The following PLXNA2 variants were observed in gnomAD, a reference collection of about 807,000 sequenced individuals.
The protein encoded by PLXNA2 is plexin A2, also known as plexin-A2.
A neutral mutation model predicts 193.5 loss-of-function variants in PLXNA2; 91 were observed. That is an observed-to-expected ratio of 0.47 (90% CI 0.40 to 0.56). PLXNA2 has a LOEUF of 0.56. Ranked by LOEUF, PLXNA2 falls within the 20% of genes least tolerant of loss-of-function variation. PLXNA2 has a pLI of 0.00. For missense variants in PLXNA2, 1,995 were observed against 2,503.2 expected (o/e 0.80, Z 4.33); for synonymous variants, 997 against 1,027.3 (o/e 0.97, Z 0.56).
At chr1:208,125,191 C>T (rs1667935964) in intron 4 of PLXNA2, among the ~76,000 whole-genome samples, 1 of 152,086 alleles carries the variant, frequency 6.6e-6, no homozygotes, top group Admixed American at 6.5e-5. Flanking sequence ...TAACGATGCC[C>T]AAGAATCTCA....
At chr1:208,037,930 A>C (rs1239241544) in intron 26 of PLXNA2, among the ~76,000 whole-genome samples, 1 of 152,180 alleles carries the variant, frequency 6.6e-6, no homozygotes, top group African/African-American at 2.4e-5. Flanking sequence ...ACCTGAAGAG[A>C]AGTCTATTCA....
At chr1:208,199,906 T>G (rs1359748718) in intron 3 of PLXNA2, among the ~76,000 whole-genome samples, 4 of 152,236 alleles carry the variant, frequency 2.6e-5, no homozygotes, top group Non-Finnish European at 5.9e-5. Context: ...ATCAGTTTTC[T>G]GAGGTCCCCT....
At chr1:208,033,255 T>G in intron 28 of PLXNA2, 64 bp downstream of exon 28, 1 of 1,413,556 alleles carries the variant, frequency 7.1e-7, no homozygotes, top group Non-Finnish European at 9.9e-7. Context: ...CCTTTCTGTG[T>G]TGTGGAGGGG....
chr1:208,170,524 C>T (rs968984627), intron 3 of PLXNA2, among the ~76,000 whole-genome samples: 3 of 152,150 alleles, frequency 2.0e-5, no homozygotes, highest in African/African-American at 4.8e-5. Flanking sequence ...CTGCCAGAGC[C>T]GGGGCATGAG....
chr1:208,037,146 T>G (rs1664694588), intron 26 of PLXNA2, among the ~76,000 whole-genome samples: 1 of 152,122 alleles, frequency 6.6e-6, no homozygotes, highest in Admixed American at 6.5e-5. Context: ...GGTTGTTATC[T>G]CCATTTTACA....
chr1:208,220,482 G>T (rs191486795), intron 1 of PLXNA2, among the ~76,000 whole-genome samples: 73 of 152,132 alleles, frequency 4.8e-4, no homozygotes, highest in African/African-American at 1.7e-3. Context: ...GCCCAGGCTG[G>T]AGTGCAGTGG....
At chr1:208,188,829 G>A (rs1427042716) in intron 3 of PLXNA2, among the ~76,000 whole-genome samples, 1 of 152,150 alleles carries the variant, frequency 6.6e-6, no homozygotes, top group Non-Finnish European at 1.5e-5. Context: ...TGTAAAGTTG[G>A]ATCTTCTGGA....
rs1365399493 is a variant in PLXNA2, at chr1:208,022,634, T to C, written c.*4609A>G. On this transcript the variant is annotated 3_prime_UTR_variant, in exon 32 of 32. Transcript: ENST00000367033. ...GCCCTTACACACGCAAGAATATCTGTTCTGTTTGGGGGGAGTATTTCCATT... is the reference window on the plus strand; with the variant it reads ...GCCCTTACACACGCAAGAATATCTGCTCTGTTTGGGGGGAGTATTTCCATT... The C allele has an allele frequency of 6.6e-6, 1 of 152,492 alleles. No individual in the cohort carries two copies. Among genetic ancestry groups the C allele is most frequent in the Non-Finnish European group, 1.5e-5 (1 of 68,030 alleles). 9.4% of individuals were successfully genotyped at this position (152,492 alleles called of 1,614,324 possible).
chr1:208,215,636 T>TGGAA (rs1047692276), intron 2 of PLXNA2, among the ~76,000 whole-genome samples: 7 of 150,928 alleles, frequency 4.6e-5, no homozygotes, highest in Admixed American at 4.0e-4. Context: ...GGATGGATGA[T>TGGAA]GGATGGATGG....
rs1465294911 is a variant in PLXNA2 at position 208,236,729 on chromosome 1, A to G, written c.-81+6914T>C. Among the ~76,000 whole-genome samples, 1 of 152,254 alleles carries G rather than the reference A, an allele frequency of 6.6e-6. No homozygotes were observed. On this transcript the variant is annotated intron_variant, in intron 1 of 31. Coordinates refer to ENST00000367033, the MANE Select transcript of PLXNA2 (RefSeq NM_025179.4). This position sits in a 1 kb window ranked among gnomAD's most constrained non-coding sequence, Gnocchi z 4.4. ...AGCCCTGTTCCACCACCAGAGCAGA[A>G]GCGGAAATGACGGCTAGGAAAGGCT...
chr1:208,064,109 T>C (rs571493581), intron 12 of PLXNA2, among the ~76,000 whole-genome samples: 6 of 152,286 alleles, frequency 3.9e-5, no homozygotes, highest in Non-Finnish European at 8.8e-5. Context: ...CAACTGTTTC[T>C]TTCTCCCATC....
chr1:208,116,390 A>C (rs1303573601), intron 4 of PLXNA2, among the ~76,000 whole-genome samples: 1 of 152,214 alleles, frequency 6.6e-6, no homozygotes, highest in African/African-American at 2.4e-5. Context: ...ATAGGTCTAT[A>C]AATACCTGCT....
chr1:208,056,476 G>C (rs1380940301), intron 13 of PLXNA2, among the ~76,000 whole-genome samples: 1 of 152,222 alleles, frequency 6.6e-6, no homozygotes, highest in South Asian at 2.1e-4. Context: ...TCTTCCCTGG[G>C]CCCTGGGTCT....
At position 208,027,204 on chromosome 1, in the gene PLXNA2, G is replaced by T; in HGVS notation, c.*39C>A. 2 of 1,538,820 alleles carry T rather than the reference G, an allele frequency of 1.3e-6. No homozygotes were observed. Among genetic ancestry groups the T allele is most frequent in the Non-Finnish European group, 1.8e-6 (2 of 1,114,032 alleles). On this transcript the variant is annotated 3_prime_UTR_variant, in exon 32 of 32. Coordinates refer to ENST00000367033, the MANE Select transcript of PLXNA2 (RefSeq NM_025179.4). ...TCTGAGACTCCCAGTGTGACAGCTTGGACAGGTCCCTCTTCCCAGGAATGC... is the reference window on the plus strand; with the variant it reads ...TCTGAGACTCCCAGTGTGACAGCTTTGACAGGTCCCTCTTCCCAGGAATGC...
intron 3 of PLXNA2, among the ~76,000 whole-genome samples, chr1:208,172,151 C>G (rs1268884980): frequency 6.6e-6 from 1 of 151,526 alleles, no homozygotes; most frequent in Non-Finnish European, 1.5e-5. Context: ...GACTTTTGCA[C>G]CAACGTAACA....
intron 3 of PLXNA2, among the ~76,000 whole-genome samples, chr1:208,168,735 T>TTTTTTTTTTC: frequency 7.1e-6 from 1 of 140,348 alleles, no homozygotes; most frequent in Non-Finnish European, 1.6e-5. Context: ...TTTTTTTTTT[T>TTTTTTTTTTC]TTTTTTTTTT....
intron 12 of PLXNA2, among the ~76,000 whole-genome samples, chr1:208,072,336 T>C (rs1299821658): frequency 6.6e-6 from 1 of 152,210 alleles, no homozygotes; most frequent in Non-Finnish European, 1.5e-5. Context: ...GGCCTTATGG[T>C]GCAATGTGCC....
chr1:208,118,034 G>A (rs991472163), intron 4 of PLXNA2, among the ~76,000 whole-genome samples: 1 of 152,290 alleles, frequency 6.6e-6, no homozygotes, highest in South Asian at 2.1e-4. Context: ...ATCTTGAAGA[G>A]ACAGTAGGAG....
At chr1:208,068,868 A>G (rs1002987802) in intron 12 of PLXNA2, among the ~76,000 whole-genome samples, 7 of 152,186 alleles carry the variant, frequency 4.6e-5, no homozygotes, top group Non-Finnish European at 8.8e-5. Context: ...GGAAAGCTGT[A>G]TTTGCGTCTT....
Sources: allele counts gnomAD v4.1 joint callset (sites outside exome capture counted in the v4.1 genomes callset), GRCh38; gene constraint gnomAD v4.1.1; non-coding constraint Gnocchi (gnomAD v3.1); transcripts MANE v1.5; gene names NCBI Gene and HGNC (gene_info 2026-07-23, HGNC 2026-07-21).